SYNJ2BP: variants seen among roughly 807,000 people sequenced by gnomAD.
SYNJ2BP encodes synaptojanin 2 binding protein.
Under a neutral mutation model 16.9 loss-of-function variants are expected in SYNJ2BP, and 10 were observed. That is an observed-to-expected ratio of 0.59 (90% CI 0.36 to 1.00). SYNJ2BP has a LOEUF of 1.00. Among genes scored for constraint, SYNJ2BP ranks in the 50% least tolerant of loss-of-function variants. The pLI, the probability that SYNJ2BP is intolerant of heterozygous loss-of-function variation, is 0.01. For missense variants in SYNJ2BP, 162 were observed against 186.7 expected (o/e 0.87, Z 0.77); for synonymous variants, 54 against 68.4 (o/e 0.79, Z 1.04).
At chr14:70,404,022 T>C (rs983901482) in intron 1 of SYNJ2BP, among the ~76,000 whole-genome samples, 6 of 152,214 alleles carry the variant, frequency 3.9e-5, no homozygotes, top group Non-Finnish European at 5.9e-5. Flanking sequence ...AAAATATGCA[T>C]GTATGTAACG....
intron 1 of SYNJ2BP, among the ~76,000 whole-genome samples, chr14:70,407,648 T>C (rs1469057030): frequency 6.6e-6 from 1 of 151,186 alleles, no homozygotes; most frequent in Non-Finnish European, 1.5e-5. Flanking sequence ...CAAGATAAAA[T>C]CAAAGTAAAA....
chr14:70,407,425 G>A (rs529220184), intron 1 of SYNJ2BP, among the ~76,000 whole-genome samples: 128 of 117,116 alleles, frequency 1.1e-3, no homozygotes, highest in Non-Finnish European at 2.0e-3. Flanking sequence ...GCGAGACTCC[G>A]TCTCAAAAAA....
intron 1 of SYNJ2BP, among the ~76,000 whole-genome samples, chr14:70,413,585 G>A (rs1462617197): frequency 6.6e-6 from 1 of 152,204 alleles, no homozygotes; most frequent in Non-Finnish European, 1.5e-5. Context: ...GTTGCAGTGA[G>A]ACAAGATCGT....
At chr14:70,397,977 G>A (rs757541385) in intron 1 of SYNJ2BP, among the ~76,000 whole-genome samples, 9 of 152,072 alleles carry the variant, frequency 5.9e-5, no homozygotes, top group South Asian at 4.1e-4. Flanking sequence ...ATGAGTGTTC[G>A]GCTCCTAGCA....
In SYNJ2BP at chr14:70,417,073, C is replaced by G; in HGVS notation, c.-110G>C. Reference sequence around the variant, plus strand: ...AGCACAGCGGTTTCGGTTTCAGCAGCCTCGAGACCCGGAAAAGGAAGCCCG... The same window carrying G: ...AGCACAGCGGTTTCGGTTTCAGCAGGCTCGAGACCCGGAAAAGGAAGCCCG... On this transcript the variant is annotated 5_prime_UTR_variant, in exon 1 of 4. Transcript: ENST00000256366. The G allele has an allele frequency of 7.1e-6, 11 of 1,540,034 alleles. No homozygotes were observed. The highest frequency in any genetic ancestry group is 8.0e-6 in the Non-Finnish European group (9 of 1,129,898).
intron 1 of SYNJ2BP, among the ~76,000 whole-genome samples, chr14:70,401,525 C>T (rs1490003949): frequency 2.6e-3 from 325 of 126,670 alleles, no homozygotes; most frequent in South Asian, 3.7e-3. Context: ...TGGTTCTTGG[C>T]TTTTTTTTTT....
At chr14:70,393,048 G>C (rs1888013150) in intron 1 of SYNJ2BP, among the ~76,000 whole-genome samples, 1 of 152,120 alleles carries the variant, frequency 6.6e-6, no homozygotes, top group South Asian at 2.1e-4. Flanking sequence ...GAAAATTTTT[G>C]CAATCTATCC....
intron 1 of SYNJ2BP, 23 bp from the exon 2 acceptor site, chr14:70,388,629 A>C: frequency 6.8e-7 from 1 of 1,468,982 alleles, no homozygotes; most frequent in Non-Finnish European, 9.0e-7. Flanking sequence ...TGGAGGAGTA[A>C]AAAGATGGGG....
chr14:70,408,118 G>T (rs1332866439), intron 1 of SYNJ2BP, among the ~76,000 whole-genome samples: 4 of 149,304 alleles, frequency 2.7e-5, no homozygotes, highest in Non-Finnish European at 5.9e-5. Flanking sequence ...TTTTTTTTTG[G>T]AGGAGGGGGA....
At chr14:70,403,546 G>T (rs1035287559) in intron 1 of SYNJ2BP, among the ~76,000 whole-genome samples, 1 of 152,166 alleles carries the variant, frequency 6.6e-6, no homozygotes, top group African/African-American at 2.4e-5. Flanking sequence ...GGTGATGAGA[G>T]TGACCTCTGG....
At chr14:70,394,458 C>CTT (rs533858770) in intron 1 of SYNJ2BP, among the ~76,000 whole-genome samples, 37,474 of 133,158 alleles carry the variant, frequency 0.28, 6,362 homozygotes, top group East Asian at 0.62. Flanking sequence ...TGGGATTCAA[C>CTT]TTTTTTTTTT....
At chr14:70,395,844 T>C (rs1348322244) in intron 1 of SYNJ2BP, among the ~76,000 whole-genome samples, 1 of 152,202 alleles carries the variant, frequency 6.6e-6, no homozygotes, top group Non-Finnish European at 1.5e-5. Flanking sequence ...CTATATTAAT[T>C]TGTGTATTCT....
intron 1 of SYNJ2BP, among the ~76,000 whole-genome samples, chr14:70,390,558 C>G (rs1014893647): frequency 6.6e-6 from 1 of 151,940 alleles, no homozygotes; most frequent in Non-Finnish European, 1.5e-5. Flanking sequence ...GTCCCAGCTA[C>G]TCGGGAGGCT....
chr14:70,379,311 C>T (rs950488587), intron 2 of SYNJ2BP, among the ~76,000 whole-genome samples: 9 of 152,196 alleles, frequency 5.9e-5, no homozygotes, highest in African/African-American at 2.2e-4. Flanking sequence ...AGAGTACATA[C>T]CTCGTTTCTT....
chr14:70,396,664 AAT>A (rs1888106925), intron 1 of SYNJ2BP, among the ~76,000 whole-genome samples: 1 of 151,616 alleles, frequency 6.6e-6, no homozygotes, highest in African/African-American at 2.4e-5. Context: ...ATGTATGTAA[AAT>A]AGTCATCCTA....
At chr14:70,397,526 A>T (rs1362882284) in intron 1 of SYNJ2BP, among the ~76,000 whole-genome samples, 3 of 152,206 alleles carry the variant, frequency 2.0e-5, no homozygotes. Context: ...CTGCTGCAGC[A>T]GGGTGGGCAG....
Position 70,368,334 on chromosome 14 carries a change from G to A in SYNJ2BP, c.*4657C>T, listed in dbSNP as rs1470429033. ...TCAGGCCCAAAGAGAGAAGAAAGAAGTAGACTAAGATAAAATGGGTAGTCT... is the reference window on the plus strand; with the variant it reads ...TCAGGCCCAAAGAGAGAAGAAAGAAATAGACTAAGATAAAATGGGTAGTCT... On this transcript the variant is annotated 3_prime_UTR_variant, in exon 4 of 4. Transcript: ENST00000256366. 6.6e-6 allele frequency: 1 copy of A among 152,224 alleles called. No homozygotes were observed. The highest frequency in any genetic ancestry group is 1.5e-5 in the Non-Finnish European group (1 of 68,036). 9.4% of individuals were successfully genotyped at this position (152,224 alleles called of 1,614,324 possible). A position where few individuals can be genotyped will look rare whatever the true frequency, so the allele number is the denominator to read the frequency against.
chr14:70,382,378 C>T (rs1283804154), intron 2 of SYNJ2BP, among the ~76,000 whole-genome samples: 2 of 152,238 alleles, frequency 1.3e-5, no homozygotes, highest in South Asian at 2.1e-4. Flanking sequence ...ACTCATTTGA[C>T]GAATAGGAAA....
At chr14:70,373,496 T>G (rs1006990168) in intron 3 of SYNJ2BP, among the ~76,000 whole-genome samples, 6 of 152,280 alleles carry the variant, frequency 3.9e-5, no homozygotes, top group Admixed American at 2.0e-4. Context: ...TATTACTTGG[T>G]GAGGAAGAAG....
Sources: allele counts gnomAD v4.1 joint callset (sites outside exome capture counted in the v4.1 genomes callset), GRCh38; gene constraint gnomAD v4.1.1; transcripts MANE v1.5; gene names NCBI Gene and HGNC (gene_info 2026-07-23, HGNC 2026-07-21).